Variants in SLC5A4 observed in about 807,000 individuals in gnomAD.
The protein encoded by SLC5A4 is solute carrier family 5 member 4.
SLC5A4 carries 55 observed loss-of-function variants against 70.3 expected under a neutral mutation model. The observed-to-expected ratio is 0.78, with a 90% CI of 0.63 to 0.98. The LOEUF (loss-of-function observed/expected upper bound fraction) is 0.98, where lower values mean the gene tolerates loss of function less well. Ranked by LOEUF, SLC5A4 falls within the 50% of genes least tolerant of loss-of-function variation. The pLI is 0.00. For synonymous variants in SLC5A4, 268 were observed against 305.7 expected (o/e 0.88, Z 1.29); for missense variants, 735 against 839.2 (o/e 0.88, Z 1.53).
the SLC5A4 span, among the ~76,000 whole-genome samples, chr22:32,335,051 C>T: frequency 6.6e-6 from 1 of 152,178 alleles, no homozygotes; most frequent in East Asian, 1.9e-4. Flanking sequence ...AAGCCAGGCC[C>T]ATCCTGCCTC....
chr22:32,303,068 A>G, the SLC5A4 span, among the ~76,000 whole-genome samples: 2 of 152,132 alleles, frequency 1.3e-5, no homozygotes, highest in Non-Finnish European at 2.9e-5. Flanking sequence ...TGTAGTTTTC[A>G]GGATATGGGT....
the SLC5A4 span, among the ~76,000 whole-genome samples, chr22:32,265,933 T>C: frequency 3.9e-5 from 6 of 152,158 alleles, no homozygotes; most frequent in African/African-American, 7.2e-5. Flanking sequence ...ACCACATCAA[T>C]ACAAATAAGA....
chr22:32,248,670 A>G, intron 4 of SLC5A4, 73 bp downstream of exon 4: 1 of 1,033,690 alleles, frequency 9.7e-7, no homozygotes, highest in Non-Finnish European at 1.5e-6. Context: ...TCATTGTCTC[A>G]GTGATTGATC....
chr22:32,347,761 C>T, the SLC5A4 span, among the ~76,000 whole-genome samples: 17 of 151,344 alleles, frequency 1.1e-4, no homozygotes, highest in African/African-American at 2.2e-4. Context: ...TGCTAAATGA[C>T]GAGTTAATGC....
chr22:32,234,104 G>C (rs1925921506), intron 8 of SLC5A4, among the ~76,000 whole-genome samples: 1 of 152,168 alleles, frequency 6.6e-6, no homozygotes, highest in Admixed American at 6.5e-5. Context: ...CTAAAACCAA[G>C]AGAGAGCAAC....
chr22:32,303,747 A>C, the SLC5A4 span, among the ~76,000 whole-genome samples: 4 of 152,222 alleles, frequency 2.6e-5, no homozygotes, highest in African/African-American at 7.2e-5. Context: ...GGCAATTATG[A>C]ATAAAGCTAT....
chr22:32,327,799 C>T, the SLC5A4 span, among the ~76,000 whole-genome samples: 31 of 152,296 alleles, frequency 2.0e-4, no homozygotes, highest in East Asian at 1.5e-3. Context: ...TGTCAGTCCA[C>T]GGACACAGAT....
At chr22:32,310,916 C>T in the SLC5A4 span, among the ~76,000 whole-genome samples, 6 of 152,224 alleles carry the variant, frequency 3.9e-5, no homozygotes, top group African/African-American at 1.4e-4. Context: ...GGCACTCTTG[C>T]CCTCATCTCC....
chr22:32,288,157 A>C, the SLC5A4 span, among the ~76,000 whole-genome samples: 1 of 151,874 alleles, frequency 6.6e-6, no homozygotes, highest in African/African-American at 2.4e-5. Context: ...GCTTAAGAAG[A>C]CCCTCAATTT....
chr22:32,314,493 C>A, the SLC5A4 span, among the ~76,000 whole-genome samples: 6 of 152,062 alleles, frequency 3.9e-5, no homozygotes, highest in African/African-American at 1.4e-4. Flanking sequence ...AACAGAAAAA[C>A]ATGTTGAACA....
chr22:32,329,862 T>A, the SLC5A4 span, among the ~76,000 whole-genome samples: 5 of 37,470 alleles, frequency 1.3e-4, no homozygotes, highest in Admixed American at 3.9e-4. Context: ...GGGGCTCTGG[T>A]GTGTGTGTGT....
the SLC5A4 span, among the ~76,000 whole-genome samples, chr22:32,298,432 C>T: frequency 1.6e-5 from 2 of 125,398 alleles, no homozygotes; most frequent in Admixed American, 8.7e-5. Flanking sequence ...CTCTTTTGAT[C>T]TTTGTTGGTT....
chr22:32,344,095 ATAGAT>A, the SLC5A4 span, among the ~76,000 whole-genome samples: 1 of 152,162 alleles, frequency 6.6e-6, no homozygotes, highest in African/African-American at 2.4e-5. Flanking sequence ...AGCTTGTGTG[ATAGAT>A]TAAAGAAAAC....
At chr22:32,219,981 C>G (rs1924982775) in intron 14 of SLC5A4, among the ~76,000 whole-genome samples, 1 of 151,838 alleles carries the variant, frequency 6.6e-6, no homozygotes, top group Non-Finnish European at 1.5e-5. Flanking sequence ...AATGGAAACT[C>G]TAAATAGTTC....
chr22:32,343,468 C>G, the SLC5A4 span, among the ~76,000 whole-genome samples: 1 of 152,212 alleles, frequency 6.6e-6, no homozygotes, highest in African/African-American at 2.4e-5. Flanking sequence ...CTCTAAGAAT[C>G]TTCCATTTTA....
chr22:32,345,457 A>AG, the SLC5A4 span, among the ~76,000 whole-genome samples: 4 of 152,190 alleles, frequency 2.6e-5, no homozygotes, highest in African/African-American at 9.6e-5. Flanking sequence ...AAAAATACGT[A>AG]GTTTGCAAGT....
the SLC5A4 span, among the ~76,000 whole-genome samples, chr22:32,293,035 T>C: frequency 6.6e-6 from 1 of 152,208 alleles, no homozygotes; most frequent in Non-Finnish European, 1.5e-5. Flanking sequence ...TTCTTTATCT[T>C]TGCTAATACT....
the SLC5A4 span, among the ~76,000 whole-genome samples, chr22:32,351,731 GGGCGGTGGGGGGA>G: frequency 2.1e-4 from 11 of 51,846 alleles, 3 homozygotes; most frequent in East Asian, 4.9e-3. Context: ...GGGAGGGTGG[GGGCGGTGGGGGGA>G]GGGCGGGGGG....
chr22:32,310,095 G>C, the SLC5A4 span, among the ~76,000 whole-genome samples: 2 of 151,450 alleles, frequency 1.3e-5, no homozygotes, highest in Non-Finnish European at 2.9e-5. Flanking sequence ...GGGGGTGGCA[G>C]AAGGAATGTC....
Sources: gnomAD v4.1 joint callset for allele counts (sites outside exome capture counted in the v4.1 genomes callset) on GRCh38, gnomAD v4.1.1 for gene constraint, MANE v1.5 for transcripts, NCBI Gene and HGNC (gene_info 2026-07-23, HGNC 2026-07-21) for gene names.